MAP2K5: variants seen among roughly 807,000 people sequenced by gnomAD.
The protein encoded by MAP2K5 is dual specificity mitogen-activated protein kinase kinase 5.
Under a neutral mutation model 83.1 loss-of-function variants are expected in MAP2K5, and 49 were observed. The observed-to-expected ratio is 0.59, with a 90% confidence interval of 0.47 to 0.75. The LOEUF is 0.75. MAP2K5 is among the 30% of genes least tolerant of loss of function. The pLI, the probability that MAP2K5 is intolerant of heterozygous loss-of-function variation, is 0.00. For synonymous variants in MAP2K5, 202 were observed against 191.8 expected (o/e 1.05, Z -0.44); for missense variants, 457 against 557.5 (o/e 0.82, Z 1.82).
At chr15:67,713,947 GTGTGATC>G (rs1203695557) in intron 16 of MAP2K5, among the ~76,000 whole-genome samples, 12 of 152,302 alleles carry the variant, frequency 7.9e-5, no homozygotes, top group African/African-American at 2.9e-4. Context: ...CTTATAATCA[GTGTGATC>G]TTAGCCAGTT....
chr15:67,588,160 G>A, intron 6 of MAP2K5: 1 of 949,176 alleles, frequency 1.1e-6, no homozygotes, highest in East Asian at 1.2e-4. Flanking sequence ...CTTCACATAT[G>A]GGTGCTCTGT....
rs948918271 is a variant in MAP2K5, at chr15:67,652,134, C to A, written c.736+5665C>A. ...TGATTAGTGATGTCAAACATTTTTT[C>A]AAATGCCTTACGTTGATTCTTCTTT... is the stretch of plus-strand genomic sequence containing the variant. On this transcript the variant is annotated intron_variant, in intron 11 of 21. Coordinates refer to ENST00000178640, the MANE Select transcript of MAP2K5 (RefSeq NM_145160.3). This position sits in a 1 kb window ranked among gnomAD's most constrained non-coding sequence, Gnocchi z 4.2. Among the ~76,000 whole-genome samples, 1 of 152,070 alleles carries A rather than the reference C, an allele frequency of 6.6e-6. No individual in the cohort carries two copies. Among genetic ancestry groups the A allele is most frequent in the African/African-American group, 2.4e-5 (1 of 41,406 alleles).
chr15:67,633,431 T>G (rs1370188267), intron 9 of MAP2K5, among the ~76,000 whole-genome samples: 1 of 152,254 alleles, frequency 6.6e-6, no homozygotes, highest in Non-Finnish European at 1.5e-5. Context: ...TTTCGTAATT[T>G]CATACATTTT....
intron 19 of MAP2K5, among the ~76,000 whole-genome samples, chr15:67,767,414 T>C (rs2090060759): frequency 1.3e-5 from 2 of 152,228 alleles, no homozygotes; most frequent in African/African-American, 4.8e-5. Context: ...GCTTTTATTT[T>C]CCTAAATATT....
At chr15:67,795,162 G>A (rs745586256) in intron 21 of MAP2K5, among the ~76,000 whole-genome samples, 56 of 152,240 alleles carry the variant, frequency 3.7e-4, no homozygotes, top group Non-Finnish European at 5.4e-4. Flanking sequence ...TTGTGGTTAT[G>A]TATCTTTTTT....
At chr15:67,583,536 C>G (rs1216248668) in intron 4 of MAP2K5, among the ~76,000 whole-genome samples, 1 of 151,964 alleles carries the variant, frequency 6.6e-6, no homozygotes, top group Middle Eastern at 3.2e-3. Context: ...TTTTTGCTAC[C>G]TGTCTACATC....
At chr15:67,710,424 A>G (rs748510357) in intron 16 of MAP2K5, among the ~76,000 whole-genome samples, 1 of 151,872 alleles carries the variant, frequency 6.6e-6, no homozygotes, top group Non-Finnish European at 1.5e-5. Flanking sequence ...ATGTCTCAAC[A>G]TAGGTAAAGA....
chr15:67,622,703 A>G (rs1221324933), intron 8 of MAP2K5, among the ~76,000 whole-genome samples: 1 of 152,224 alleles, frequency 6.6e-6, no homozygotes, highest in Non-Finnish European at 1.5e-5. Context: ...TACTGGGGAC[A>G]GACACATAAA....
intron 16 of MAP2K5, among the ~76,000 whole-genome samples, chr15:67,706,212 A>G (rs575931786): frequency 2.0e-5 from 3 of 152,184 alleles, no homozygotes; most frequent in Non-Finnish European, 4.4e-5. Flanking sequence ...GGGTACAAAG[A>G]TTAATAAAAA....
In MAP2K5 at chr15:67,634,367, C is replaced by CAAAAAAAAAAAAAAAAA; in HGVS notation, c.585+3466_585+3482dup. Among the ~76,000 whole-genome samples the CAAAAAAAAAAAAAAAAA allele has an allele frequency of 1.3e-3, 61 of 48,572 alleles. 15 individuals are homozygous for CAAAAAAAAAAAAAAAAA. Among genetic ancestry groups the CAAAAAAAAAAAAAAAAA allele is most frequent in the Non-Finnish European group, 2.2e-3 (54 of 24,798 alleles). 31.9% of individuals were successfully genotyped at this position (48,572 alleles called of 152,430 possible). A position where few individuals can be genotyped will look rare whatever the true frequency, so the allele number is the denominator to read the frequency against. ...TGGGTGACAGAGTAAGACCTCATCT[C>CAAAAAAAAAAAAAAAAA]AAAAAAAAAAAAAAAAAAAAAAAAA... is the stretch of plus-strand genomic sequence containing the variant. On this transcript the variant is annotated intron_variant, in intron 9 of 21. Coordinates refer to ENST00000178640, the MANE Select transcript of MAP2K5 (RefSeq NM_145160.3).
At chr15:67,571,989 G>A (rs1401257116) in intron 3 of MAP2K5, among the ~76,000 whole-genome samples, 4 of 152,318 alleles carry the variant, frequency 2.6e-5, no homozygotes, top group African/African-American at 7.2e-5. Context: ...AGTGTGGGAA[G>A]ACAAGAAAAA....
At chr15:67,649,903 AGAATT>A (rs1471829555) in intron 11 of MAP2K5, among the ~76,000 whole-genome samples, 2 of 152,224 alleles carry the variant, frequency 1.3e-5, no homozygotes, top group African/African-American at 4.8e-5. Context: ...GATTTTGATA[AGAATT>A]GAATTGAATT....
chr15:67,667,418 T>C (rs1359109381), intron 13 of MAP2K5, among the ~76,000 whole-genome samples: 1 of 152,140 alleles, frequency 6.6e-6, no homozygotes, highest in African/African-American at 2.4e-5. Context: ...TTTCTCTAAA[T>C]GAATGATGAT....
intron 8 of MAP2K5, among the ~76,000 whole-genome samples, chr15:67,612,073 C>CTTT (rs57650533): frequency 4.3e-5 from 5 of 117,240 alleles, no homozygotes; most frequent in African/African-American, 1.5e-4. Flanking sequence ...CTTTGGTTTT[C>CTTT]TTTTTTTTTT....
intron 9 of MAP2K5, among the ~76,000 whole-genome samples, chr15:67,632,097 A>T (rs944089801): frequency 7.1e-6 from 1 of 140,840 alleles, no homozygotes; most frequent in Non-Finnish European, 1.5e-5. Context: ...ATTATGCTAG[A>T]TTTTTTTTTT....
chr15:67,784,903 G>A (rs1469506824), intron 21 of MAP2K5, among the ~76,000 whole-genome samples: 3 of 152,128 alleles, frequency 2.0e-5, no homozygotes, highest in South Asian at 2.1e-4. Flanking sequence ...AGCTGAACTC[G>A]GAGTATGGGC....
At position 67,642,395 on chromosome 15, in the gene MAP2K5, ATCT is replaced by A. The variant is rs1596707117; in HGVS notation, c.586-3834_586-3832del. ...CCTTGAGAGGCGCATAGCCACTCTA[ATCT>A]TGAGGCTTCTGTTTTTAGGAGATGA... On this transcript the variant is annotated intron_variant, in intron 9 of 21. Coordinates refer to ENST00000178640, the MANE Select transcript of MAP2K5 (RefSeq NM_145160.3). The A allele has an allele frequency of 5.0e-6, 8 of 1,593,698 alleles. No homozygotes were observed. In the East Asian group the frequency reaches 1.8e-4, roughly 36 times the overall value.
intron 1 of MAP2K5, chr15:67,549,064 GCGAGCGGCTTTGT>G (rs1432420664): frequency 1.1e-5 from 17 of 1,523,786 alleles, no homozygotes; most frequent in Non-Finnish European, 1.3e-5. Flanking sequence ...GAGAAATACT[GCGAGCGGCTTTGT>G]CAGCCGGCTG....
chr15:67,786,275 G>C lies in MAP2K5; in HGVS notation c.1242+13523G>C, dbSNP rs2090415094. On this transcript the variant is annotated intron_variant, in intron 21 of 21. Transcript: ENST00000178640. This position sits in a 1 kb window ranked among gnomAD's most constrained non-coding sequence, Gnocchi z 4.7. ...TGTACACTGAATTGGTAGTCTCTTG[G>C]GGTGGTCTCTGTGGTTGAAAATCCA... 6.6e-6 allele frequency among the ~76,000 whole-genome samples: 1 copy of C among 151,962 alleles called. No individual in the cohort carries two copies. Among genetic ancestry groups the C allele is most frequent in the Non-Finnish European group, 1.5e-5 (1 of 67,980 alleles).
Sources: gnomAD v4.1 joint callset for allele counts (sites outside exome capture counted in the v4.1 genomes callset) on GRCh38, gnomAD v4.1.1 for gene constraint, Gnocchi (gnomAD v3.1) non-coding constraint, MANE v1.5 for transcripts, NCBI Gene and HGNC (gene_info 2026-07-23, HGNC 2026-07-21) for gene names.